The following HVCN1 variants were observed in gnomAD, a reference collection of about 807,000 sequenced individuals.
HVCN1 encodes the protein hydrogen voltage gated channel 1.
Under a neutral mutation model 29.2 loss-of-function variants are expected in HVCN1, and 14 were observed. The ratio of observed to expected loss-of-function variants is 0.48; its 90% CI spans 0.32 to 0.75. The LOEUF (loss-of-function observed/expected upper bound fraction) is 0.75, where lower values mean the gene tolerates loss of function less well. Ranked by LOEUF, HVCN1 falls within the 30% of genes least tolerant of loss-of-function variation. HVCN1 has a pLI of 0.04. For missense variants in HVCN1, 263 were observed against 341.8 expected, an observed-to-expected ratio of 0.77 and a Z score of 1.82; for synonymous variants, 131 against 133.2, an observed-to-expected ratio of 0.98 and a Z score of 0.11.
chr12:110,678,534 T>A (rs1182895528), intron 3 of HVCN1, among the ~76,000 whole-genome samples: 1 of 131,068 alleles, frequency 7.6e-6, no homozygotes, highest in African/African-American at 2.9e-5. Context: ...CACTGCAGCC[T>A]CAACGTCCTG....
chr12:110,653,607 C>T (rs938461958), intron 5 of HVCN1, among the ~76,000 whole-genome samples: 28 of 151,512 alleles, frequency 1.8e-4, no homozygotes, highest in African/African-American at 5.6e-4. Context: ...TTTGGGAGGC[C>T]GAAGTGGGCA....
intron 2 of HVCN1, among the ~76,000 whole-genome samples, chr12:110,699,814 G>A (rs1161383546): frequency 1.3e-5 from 2 of 152,146 alleles, no homozygotes; most frequent in Non-Finnish European, 2.9e-5. Context: ...TATGTTCTGC[G>A]CAGTAGAAAG....
intron 3 of HVCN1, among the ~76,000 whole-genome samples, chr12:110,677,783 G>A (rs1032541671): frequency 6.6e-6 from 1 of 152,260 alleles, no homozygotes; most frequent in Middle Eastern, 3.4e-3. Context: ...AACAACCACC[G>A]TGACAGCTGA....
intron 4 of HVCN1, among the ~76,000 whole-genome samples, chr12:110,657,008 T>C (rs1027203339): frequency 6.6e-6 from 1 of 152,218 alleles, no homozygotes; most frequent in Non-Finnish European, 1.5e-5. Context: ...GATGAGGTTC[T>C]GACCCCCGCT....
At chr12:110,690,064 G>A (rs1287360369), upstream of HVCN1, among the ~76,000 whole-genome samples, 1 of 152,180 alleles carries the variant, frequency 6.6e-6, no homozygotes, top group Non-Finnish European at 1.5e-5. Context: ...AGCCCTGGAG[G>A]CCAGAAGTCT....
intron 3 of HVCN1, among the ~76,000 whole-genome samples, chr12:110,665,129 A>T (rs1464133234): frequency 6.6e-6 from 1 of 152,208 alleles, no homozygotes; most frequent in Non-Finnish European, 1.5e-5. Context: ...TTGGAACAAA[A>T]CTCAATACTT....
At chr12:110,701,068 A>G (rs2069559173) in intron 2 of HVCN1, among the ~76,000 whole-genome samples, 1 of 152,234 alleles carries the variant, frequency 6.6e-6, no homozygotes, top group African/African-American at 2.4e-5. Context: ...GAGCAGGGCC[A>G]CAGGATGGAG....
intron 3 of HVCN1, among the ~76,000 whole-genome samples, chr12:110,674,107 A>C (rs2068671153): frequency 6.6e-6 from 1 of 152,268 alleles, no homozygotes; most frequent in Non-Finnish European, 1.5e-5. Flanking sequence ...GGGGCTGCCC[A>C]AGACTATGGG....
chr12:110,700,391 C>A (rs2069552732), intron 2 of HVCN1, among the ~76,000 whole-genome samples: 1 of 152,118 alleles, frequency 6.6e-6, no homozygotes, highest in African/African-American at 2.4e-5. Flanking sequence ...GCCTTTGGGG[C>A]AGTGGCGTTT....
chr12:110,650,598 C>T (rs939740138), intron 6 of HVCN1, among the ~76,000 whole-genome samples: 1 of 152,120 alleles, frequency 6.6e-6, no homozygotes, highest in African/African-American at 2.4e-5. Context: ...CCATAGATGC[C>T]ACGAAAGCAC....
intron 3 of HVCN1, among the ~76,000 whole-genome samples, chr12:110,670,586 G>T (rs924042886): frequency 4.6e-5 from 7 of 152,260 alleles, no homozygotes; most frequent in African/African-American, 1.4e-4. Context: ...GGTGAGGGGG[G>T]GCCTTGTCCA....
upstream of HVCN1, among the ~76,000 whole-genome samples, chr12:110,690,961 G>A (rs1291026491): frequency 1.3e-5 from 2 of 151,120 alleles, no homozygotes; most frequent in Admixed American, 6.6e-5. Context: ...CTCCATGCTG[G>A]TCAGGCTGGT....
chr12:110,694,738 G>A (rs549330494), upstream of HVCN1, among the ~76,000 whole-genome samples: 94 of 152,182 alleles, frequency 6.2e-4, no homozygotes, highest in South Asian at 2.3e-3. The surrounding 1 kb of genome is among the most constrained non-coding windows in gnomAD (Gnocchi z 4.6). Context: ...CAGCAGTGAC[G>A]GCCACACGAC....
intron 2 of HVCN1, among the ~76,000 whole-genome samples, chr12:110,699,938 G>T (rs138073901): frequency 0.011 from 1,601 of 151,988 alleles, 35 homozygotes; most frequent in Middle Eastern, 0.037. Flanking sequence ...GGGACCCCCC[G>T]CTCTGCCAGG....
intron 3 of HVCN1, among the ~76,000 whole-genome samples, chr12:110,677,121 C>T (rs546277494): frequency 2.6e-5 from 4 of 152,152 alleles, no homozygotes; most frequent in East Asian, 3.9e-4. Flanking sequence ...AGGCGGATCG[C>T]TTGAGCCCAG....
chr12:110,687,756 A>G (rs1244681571), intron 2 of HVCN1, among the ~76,000 whole-genome samples: 3 of 152,118 alleles, frequency 2.0e-5, no homozygotes, highest in Admixed American at 6.5e-5. Context: ...GTGGTGGATG[A>G]CAGCTCCCAG....
intron 3 of HVCN1, among the ~76,000 whole-genome samples, chr12:110,674,985 T>C (rs2068699671): frequency 6.6e-6 from 1 of 152,172 alleles, no homozygotes; most frequent in Non-Finnish European, 1.5e-5. Context: ...ATGAGATTAA[T>C]AGACTAGAAC....
intron 3 of HVCN1, among the ~76,000 whole-genome samples, chr12:110,679,992 CCA>C (rs1196507988): frequency 1.3e-5 from 2 of 152,202 alleles, no homozygotes; most frequent in African/African-American, 4.8e-5. Flanking sequence ...CAAAACCCCA[CCA>C]GTTTCTCTCC....
chr12:110,679,829 C>T (rs1056149915), intron 3 of HVCN1, among the ~76,000 whole-genome samples: 40 of 150,274 alleles, frequency 2.7e-4, no homozygotes, highest in African/African-American at 9.1e-4. Context: ...GTCCGCAGTC[C>T]GGCCTGGGCG....
Sources: allele counts gnomAD v4.1 joint callset (sites outside exome capture counted in the v4.1 genomes callset), GRCh38; gene constraint gnomAD v4.1.1; non-coding constraint Gnocchi (gnomAD v3.1); transcripts MANE v1.5; gene names NCBI Gene and HGNC (gene_info 2026-07-23, HGNC 2026-07-21).